SLC8A1: variants seen among roughly 807,000 people sequenced by gnomAD.
SLC8A1 encodes the protein sodium/calcium exchanger 1.
SLC8A1 carries 18 observed loss-of-function variants against 68.3 expected under a neutral mutation model. The observed-to-expected ratio is 0.26, with a 90% confidence interval of 0.18 to 0.39. The LOEUF (loss-of-function observed/expected upper bound fraction) is 0.39, where lower values mean the gene tolerates loss of function less well. Among genes scored for constraint, SLC8A1 ranks in the 10% least tolerant of loss-of-function variants. SLC8A1 has a pLI of 1.00. For synonymous variants in SLC8A1, 475 were observed against 415.5 expected (o/e 1.14, Z -1.74); for missense variants, 985 against 1,156.7 (o/e 0.85, Z 2.15).
At chr2:40,242,173 AGAATATGAATAT>A (rs966561570) in intron 2 of SLC8A1, among the ~76,000 whole-genome samples, 1 of 152,050 alleles carries the variant, frequency 6.6e-6, no homozygotes, top group Non-Finnish European at 1.5e-5. Flanking sequence ...AGAGAGACAG[AGAATATGAATAT>A]GAATATGACA....
intron 2 of SLC8A1, among the ~76,000 whole-genome samples, chr2:40,366,931 TTC>T (rs1559405969): frequency 6.6e-6 from 1 of 152,044 alleles, no homozygotes; most frequent in Non-Finnish European, 1.5e-5. Context: ...TGAACAGGAT[TTC>T]ATCTTTAGTT....
intron 1 of SLC8A1, among the ~76,000 whole-genome samples, chr2:40,445,759 C>G (rs934303653): frequency 1.3e-5 from 2 of 152,122 alleles, no homozygotes; most frequent in Admixed American, 1.3e-4. Context: ...GCACTGACTG[C>G]CCAACACTGA....
intron 2 of SLC8A1, among the ~76,000 whole-genome samples, chr2:40,291,162 C>A (rs2069235036): frequency 6.6e-6 from 1 of 152,050 alleles, no homozygotes; most frequent in Non-Finnish European, 1.5e-5. Flanking sequence ...CTAAGAAGAC[C>A]CTTCTTTTCA....
intron 2 of SLC8A1, among the ~76,000 whole-genome samples, chr2:40,210,461 TA>T (rs2056378485): frequency 6.6e-6 from 1 of 152,194 alleles, no homozygotes; most frequent in Non-Finnish European, 1.5e-5. Flanking sequence ...GCATGACTTT[TA>T]AACAGGACCC....
chr2:40,294,899 T>C (rs1197906279), intron 2 of SLC8A1, among the ~76,000 whole-genome samples: 1 of 152,154 alleles, frequency 6.6e-6, no homozygotes, highest in Non-Finnish European at 1.5e-5. Flanking sequence ...GTATAATCTG[T>C]ATGTAGCACA....
intron 2 of SLC8A1, among the ~76,000 whole-genome samples, chr2:40,263,745 C>G (rs1030244597): frequency 6.6e-6 from 1 of 152,044 alleles, no homozygotes; most frequent in Non-Finnish European, 1.5e-5. Flanking sequence ...CCATAAAAAC[C>G]CTAGGAGAAA....
intron 2 of SLC8A1, among the ~76,000 whole-genome samples, chr2:40,369,136 A>G (rs1047811819): frequency 1.3e-5 from 2 of 152,054 alleles, no homozygotes; most frequent in African/African-American, 4.8e-5. Context: ...GGGCAAAGAT[A>G]TAATGACAAA....
intron 2 of SLC8A1, among the ~76,000 whole-genome samples, chr2:40,395,778 T>C (rs925602804): frequency 3.9e-5 from 6 of 152,118 alleles, no homozygotes; most frequent in African/African-American, 1.4e-4. Context: ...GTCAGAGCTG[T>C]TCCTTAACCA....
intron 2 of SLC8A1, among the ~76,000 whole-genome samples, chr2:40,381,043 A>G (rs900372095): frequency 6.6e-6 from 1 of 152,046 alleles, no homozygotes; most frequent in Non-Finnish European, 1.5e-5. Flanking sequence ...CAATTCCCCA[A>G]ACCTCTTCAT....
In SLC8A1 at chr2:40,160,894, G is replaced by C; in HGVS notation, c.2062-30C>G. 4 of 1,534,326 alleles carry C rather than the reference G, an allele frequency of 2.6e-6. No individual in the cohort carries two copies. In the South Asian group the frequency reaches 4.5e-5, roughly 17 times the overall value. ...AAATGTTGAAAAGAAAAATATAAAT[G>C]CTGGGTTCGCTAAGGCCTCAGGAAA... On this transcript the variant is annotated intron_variant, in intron 5 of 7. Coordinates refer to ENST00000406785, the Ensembl canonical transcript of SLC8A1.
intron 7 of SLC8A1, among the ~76,000 whole-genome samples, chr2:40,136,349 C>T (rs909981104): frequency 6.6e-6 from 1 of 152,184 alleles, no homozygotes. Context: ...GAAGCTTTGT[C>T]TCACTTGAAA....
chr2:40,110,473 C>A (rs1290523186), exon 8 of SLC8A1: 1 of 152,186 alleles, frequency 6.6e-6, no homozygotes, highest in African/African-American at 2.4e-5. Context: ...CTTATAATAG[C>A]ATGTTTCTTT....
intron 2 of SLC8A1, among the ~76,000 whole-genome samples, chr2:40,363,830 G>A (rs886728354): frequency 2.0e-5 from 3 of 152,066 alleles, no homozygotes; most frequent in African/African-American, 7.2e-5. Flanking sequence ...ATTTCTTTAA[G>A]GCTGATTGAC....
chr2:40,431,045 A>G (rs1698166374), intron 1 of SLC8A1, among the ~76,000 whole-genome samples: 1 of 152,324 alleles, frequency 6.6e-6, no homozygotes, highest in Middle Eastern at 3.4e-3. Flanking sequence ...TGATGAGAGC[A>G]CATTTCTTTC....
chr2:40,292,440 A>C (rs2069501454), intron 2 of SLC8A1, among the ~76,000 whole-genome samples: 1 of 152,146 alleles, frequency 6.6e-6, no homozygotes, highest in South Asian at 2.1e-4. Flanking sequence ...TGTCTAAGCT[A>C]GATTTTTGGG....
intron 2 of SLC8A1, among the ~76,000 whole-genome samples, chr2:40,371,362 T>C (rs1677986504): frequency 6.6e-6 from 1 of 151,740 alleles, no homozygotes; most frequent in Non-Finnish European, 1.5e-5. Flanking sequence ...GGGGAGAAAA[T>C]GGTGTTAGGC....
intron 2 of SLC8A1, among the ~76,000 whole-genome samples, chr2:40,219,102 T>G (rs1272285132): frequency 6.6e-6 from 1 of 152,096 alleles, no homozygotes; most frequent in South Asian, 2.1e-4. Context: ...GAAGACTACA[T>G]GTAGGATTCT....
At chr2:40,438,846 G>C (rs922784834) in intron 1 of SLC8A1, among the ~76,000 whole-genome samples, 1 of 152,086 alleles carries the variant, frequency 6.6e-6, no homozygotes, top group Non-Finnish European at 1.5e-5. Flanking sequence ...AGGTGGTCTT[G>C]GACCACCCTT....
At position 40,197,432 on chromosome 2, in the gene SLC8A1, G is replaced by C. The variant is rs1026709027; in HGVS notation, c.1809-19577C>G. On this transcript the variant is annotated intron_variant, in intron 2 of 7. Coordinates refer to ENST00000406785, the Ensembl canonical transcript of SLC8A1. The stretch of plus-strand genomic sequence containing the variant: ...CATAAAGGAAAATGTTCCTTAGGAA[G>C]TACTTGCCAATTTCTGAGCAATTAA... Among the ~76,000 whole-genome samples the C allele has an allele frequency of 2.6e-5, 4 of 151,988 alleles. 1 individual carries two copies. The highest frequency in any genetic ancestry group is 9.7e-5 in the African/African-American group (4 of 41,410).
Sources: allele counts gnomAD v4.1 joint callset (sites outside exome capture counted in the v4.1 genomes callset), GRCh38; gene constraint gnomAD v4.1.1; transcripts MANE v1.5; gene names NCBI Gene and HGNC (gene_info 2026-07-23, HGNC 2026-07-21).